PCDHGA1: variants seen among roughly 807,000 people sequenced by gnomAD.
The protein encoded by PCDHGA1 is protocadherin gamma-A1.
In PCDHGA1, 32 loss-of-function variants were observed where a neutral mutation model predicts 58.0. That is an observed-to-expected ratio of 0.55 (90% CI 0.42 to 0.74). PCDHGA1 has a LOEUF of 0.74. PCDHGA1 is among the 30% of genes least tolerant of loss of function. The probability of loss-of-function intolerance (pLI) is 0.00; values close to 1 mark genes in which losing one functional copy is unlikely to be tolerated. For missense variants in PCDHGA1, 1,205 were observed against 1,182.3 expected, an observed-to-expected ratio of 1.02 and a Z score of -0.28; for synonymous variants, 498 against 501.1, an observed-to-expected ratio of 0.99 and a Z score of 0.08.
At chr5:141,345,630 A>T (rs1327978995) in intron 1 of PCDHGA1, 3 of 1,614,088 alleles carry the variant, frequency 1.9e-6, no homozygotes, top group Non-Finnish European at 2.5e-6. Flanking sequence ...GCTACTGGTG[A>T]CAGCCAGCGA....
At chr5:141,509,599 A>G (rs964564148) in intron 3 of PCDHGA1, among the ~76,000 whole-genome samples, 6 of 152,158 alleles carry the variant, frequency 3.9e-5, no homozygotes, top group African/African-American at 1.4e-4. Context: ...CAATTCCGAG[A>G]GGCTGCATTC....
At position 141,432,540 on chromosome 5, in the gene PCDHGA1, T is replaced by A. The variant is rs147884705; in HGVS notation, c.2422-62267T>A. 7.6e-4 allele frequency: 1,222 copies of A among 1,613,608 alleles called. 1 individual carries two copies. The highest frequency in any genetic ancestry group is 1.1e-3 in the Admixed American group (64 of 59,988). ...TACCTGGTGACCAAGGTGGTGGCGG[T>A]GGACAGAGACTCCGGCCAGAACGCC... On this transcript the variant is annotated intron_variant, in intron 1 of 3. Transcript: ENST00000517417. This position sits in a 1 kb window ranked among gnomAD's most constrained non-coding sequence, Gnocchi z 6.0.
At chr5:141,451,193 A>T (rs2098710240) in intron 1 of PCDHGA1, among the ~76,000 whole-genome samples, 1 of 152,208 alleles carries the variant, frequency 6.6e-6, no homozygotes, top group Non-Finnish European at 1.5e-5. Context: ...TGTGTAACAA[A>T]TTATCCCAAA....
At chr5:141,375,176 GT>G (rs1486897870) in intron 1 of PCDHGA1, 1 of 1,614,018 alleles carries the variant, frequency 6.2e-7, no homozygotes, top group South Asian at 1.1e-5. Flanking sequence ...TCCAGGAACA[GT>G]AATCGCCCTT....
intron 1 of PCDHGA1, chr5:141,415,377 C>A: frequency 1.2e-6 from 2 of 1,614,236 alleles, no homozygotes; most frequent in Non-Finnish European, 1.7e-6. Flanking sequence ...CTTCAGGAGG[C>A]GGCTTGACAG....
intron 1 of PCDHGA1, chr5:141,399,220 A>T: frequency 6.2e-7 from 1 of 1,613,966 alleles, no homozygotes; most frequent in East Asian, 2.2e-5. Flanking sequence ...AATTGCTTTG[A>T]TCAAAATACA....
At chr5:141,429,169 T>TACATACACACACACACAC (rs369570830) in intron 1 of PCDHGA1, 115 of 145,474 alleles carry the variant, frequency 7.9e-4, no homozygotes, top group African/African-American at 2.1e-3. Flanking sequence ...ACATTGTTTA[T>TACATACACACACACACAC]ACACACACAC....
chr5:141,472,529 G>C lies in PCDHGA1; in HGVS notation c.2422-22278G>C, dbSNP rs553065027. 9.3e-5 allele frequency among the ~76,000 whole-genome samples: 14 copies of C among 151,058 alleles called. No individual in the cohort carries two copies. In the East Asian group the frequency reaches 2.6e-3, roughly 28 times the overall value. ...CACTCCAGCCTGGGTGACAGAGTGA[G>C]ACACCATCTCAAGAAAAAAAAAATT... On this transcript the variant is annotated intron_variant, in intron 1 of 3. Transcript: ENST00000517417.
intron 1 of PCDHGA1, chr5:141,412,531 T>G (rs534627173): frequency 1.7e-4 from 26 of 152,304 alleles, no homozygotes; most frequent in African/African-American, 5.8e-4. Flanking sequence ...GTTACAATTA[T>G]AAAGCTTCAG....
chr5:141,459,028 C>T (rs373532898), intron 1 of PCDHGA1, among the ~76,000 whole-genome samples: 1 of 152,202 alleles, frequency 6.6e-6, no homozygotes, highest in Non-Finnish European at 1.5e-5. Context: ...CCACCACATC[C>T]AGCCTTACCA....
chr5:141,500,460 C>T (rs1421637554), intron 2 of PCDHGA1, among the ~76,000 whole-genome samples: 2 of 152,234 alleles, frequency 1.3e-5, no homozygotes, highest in South Asian at 2.1e-4. Context: ...CCGCCCGCCT[C>T]GGCCTCCCAA....
chr5:141,413,288 C>T (rs2095623576), intron 1 of PCDHGA1: 2 of 1,613,950 alleles, frequency 1.2e-6, no homozygotes, highest in East Asian at 4.5e-5. Flanking sequence ...ATCTCCTACT[C>T]AATTCCTGAG....
chr5:141,378,596 C>T (rs866872764), intron 1 of PCDHGA1: 2 of 152,150 alleles, frequency 1.3e-5, no homozygotes, highest in Non-Finnish European at 2.9e-5. Context: ...TGTCTGCTTA[C>T]AGGACATATC....
chr5:141,406,906 C>T (rs1186250719), intron 1 of PCDHGA1, among the ~76,000 whole-genome samples: 1 of 152,048 alleles, frequency 6.6e-6, no homozygotes, highest in Non-Finnish European at 1.5e-5. Flanking sequence ...CTGTTTTTAG[C>T]TATAAGGAAG....
At chr5:141,367,861 G>A (rs1344780297) in intron 1 of PCDHGA1, 1 of 152,032 alleles carries the variant, frequency 6.6e-6, no homozygotes, top group Non-Finnish European at 1.5e-5. Context: ...GTTTCTTTAA[G>A]TGTAGGTGCA....
At chr5:141,357,746 GA>G in intron 1 of PCDHGA1, 1 of 1,173,014 alleles carries the variant, frequency 8.5e-7, no homozygotes, top group Admixed American at 2.8e-5. Context: ...TTGCTTTAAA[GA>G]AAACTGGTGG....
intron 2 of PCDHGA1, among the ~76,000 whole-genome samples, chr5:141,496,565 T>C (rs2099769541): frequency 6.6e-6 from 1 of 152,136 alleles, no homozygotes; most frequent in African/African-American, 2.4e-5. Context: ...CACAGTCCTG[T>C]CACCCATTTT....
intron 1 of PCDHGA1, chr5:141,410,045 G>A (rs962300160): frequency 1.9e-6 from 3 of 1,613,048 alleles, no homozygotes; most frequent in African/African-American, 1.3e-5. Context: ...CAGTGAGCCC[G>A]GACTCTTCAG....
At chr5:141,508,267 C>G (rs993402135) in intron 3 of PCDHGA1, 5 of 152,336 alleles carry the variant, frequency 3.3e-5, no homozygotes, top group African/African-American at 9.6e-5. Context: ...AAGAGAAAAT[C>G]CCGGTCCTTG....
Sources: gnomAD v4.1 joint callset for allele counts (sites outside exome capture counted in the v4.1 genomes callset) on GRCh38, gnomAD v4.1.1 for gene constraint, Gnocchi (gnomAD v3.1) non-coding constraint, MANE v1.5 for transcripts, NCBI Gene and HGNC (gene_info 2026-07-23, HGNC 2026-07-21) for gene names.